SLC6A11: variants seen among roughly 807,000 people sequenced by gnomAD.
The protein encoded by SLC6A11 is sodium- and chloride-dependent GABA transporter 3.
A neutral mutation model predicts 74.8 loss-of-function variants in SLC6A11; 25 were observed. The observed-to-expected ratio is 0.33, with a 90% CI of 0.24 to 0.47. The LOEUF (loss-of-function observed/expected upper bound fraction) is 0.47, where lower values mean the gene tolerates loss of function less well. Ranked by LOEUF, SLC6A11 falls within the 20% of genes least tolerant of loss-of-function variation. The pLI, the probability that SLC6A11 is intolerant of heterozygous loss-of-function variation, is 1.00. For synonymous variants in SLC6A11, 330 were observed against 330.2 expected (o/e 1.00, Z 0.01); for missense variants, 574 against 837.0 (o/e 0.69, Z 3.88).
At chr3:10,892,360 T>G (rs1168277070) in intron 6 of SLC6A11, among the ~76,000 whole-genome samples, 1 of 152,238 alleles carries the variant, frequency 6.6e-6, no homozygotes, top group East Asian at 1.9e-4. Context: ...TAGAGGCAAG[T>G]GGGTGCTGCT....
chr3:10,846,063 T>C (rs1055312929), intron 5 of SLC6A11, among the ~76,000 whole-genome samples: 3 of 152,156 alleles, frequency 2.0e-5, no homozygotes, highest in African/African-American at 7.2e-5. Context: ...TACCACCACA[T>C]GGGGTGGTTG....
chr3:10,877,070 T>C (rs1170692581), intron 6 of SLC6A11, among the ~76,000 whole-genome samples: 1 of 152,214 alleles, frequency 6.6e-6, no homozygotes, highest in East Asian at 1.9e-4. Context: ...GAGCATAGGC[T>C]GGCAAACTAT....
At chr3:10,850,002 GT>G (rs1694553579) in intron 5 of SLC6A11, among the ~76,000 whole-genome samples, 1 of 152,028 alleles carries the variant, frequency 6.6e-6, no homozygotes, top group South Asian at 2.1e-4. Flanking sequence ...ATCCCTGGAT[GT>G]TTTTGTGCTT....
At chr3:10,876,093 C>T (rs537343224) in intron 6 of SLC6A11, among the ~76,000 whole-genome samples, 7 of 152,212 alleles carry the variant, frequency 4.6e-5, no homozygotes, top group Non-Finnish European at 1.0e-4. Context: ...TTCAAGTCTG[C>T]GATCTGTGGC....
intron 5 of SLC6A11, among the ~76,000 whole-genome samples, chr3:10,874,015 A>ACGCTACGC (rs1694878597): frequency 2.0e-5 from 3 of 152,076 alleles, no homozygotes; most frequent in Admixed American, 6.6e-5. Context: ...ATGCTATGCT[A>ACGCTACGC]TACCATCCTA....
intron 6 of SLC6A11, among the ~76,000 whole-genome samples, chr3:10,909,413 G>A (rs779562681): frequency 6.6e-6 from 1 of 152,184 alleles, no homozygotes; most frequent in Non-Finnish European, 1.5e-5. Flanking sequence ...TGGTTTGGGG[G>A]ACGTATCTGG....
chr3:10,924,744 G>A (rs970128321), intron 8 of SLC6A11, among the ~76,000 whole-genome samples: 5 of 152,184 alleles, frequency 3.3e-5, no homozygotes, highest in East Asian at 3.9e-4. Flanking sequence ...GAAGATACTC[G>A]ATGTCATTAA....
chr3:10,841,999 T>G (rs924637001), intron 4 of SLC6A11, among the ~76,000 whole-genome samples: 2 of 152,176 alleles, frequency 1.3e-5, no homozygotes, highest in Admixed American at 1.3e-4. Context: ...TTGTCCCTTA[T>G]AGTTCACCAG....
rs1302500776 is a variant in SLC6A11, at chr3:10,861,373, T to C, written c.757-13588T>C. On this transcript the variant is annotated intron_variant, in intron 5 of 13. Coordinates refer to ENST00000254488, the MANE Select transcript of SLC6A11 (RefSeq NM_014229.3). The stretch of plus-strand genomic sequence containing the variant: ...TCTACAAATAATTTAAAAAATTAGC[T>C]GGGCATGGTGGTGGACACCTGTAGT... Among the ~76,000 whole-genome samples, 5 of 151,928 alleles carry C rather than the reference T, an allele frequency of 3.3e-5. No homozygotes were observed. In the East Asian group the frequency reaches 5.8e-4, roughly 18 times the overall value.
chr3:10,937,616 C>T (rs1695773992), intron 13 of SLC6A11, among the ~76,000 whole-genome samples: 1 of 152,248 alleles, frequency 6.6e-6, no homozygotes, highest in South Asian at 2.1e-4. Context: ...GGCAGGGCCA[C>T]ATCTGGCCTG....
chr3:10,903,967 T>A (rs1193465405), intron 6 of SLC6A11, among the ~76,000 whole-genome samples: 1 of 152,232 alleles, frequency 6.6e-6, no homozygotes, highest in Non-Finnish European at 1.5e-5. Context: ...ACTTGCATGA[T>A]CAAGGTAGGA....
At chr3:10,837,454 C>G (rs1475599475) in intron 4 of SLC6A11, among the ~76,000 whole-genome samples, 1 of 152,200 alleles carries the variant, frequency 6.6e-6, no homozygotes, top group Non-Finnish European at 1.5e-5. Flanking sequence ...TGGTTCTGAG[C>G]TCTGCCTCTG....
In SLC6A11 at chr3:10,918,608, G is replaced by A. The variant is rs1160433780; in HGVS notation, c.1120+155G>A. Among the ~76,000 whole-genome samples, 2 of 152,162 alleles carry A rather than the reference G, an allele frequency of 1.3e-5. No homozygotes were observed. The highest frequency in any genetic ancestry group is 1.9e-4 in the East Asian group (1 of 5,158). On this transcript the variant is annotated intron_variant, in intron 8 of 13. Coordinates refer to ENST00000254488, the MANE Select transcript of SLC6A11 (RefSeq NM_014229.3). The surrounding 1 kb of genome is among the most constrained non-coding windows in gnomAD (Gnocchi z 4.5). ...ATTCATCCACAATCCAGGATCCTGG[G>A]AATTACCTAGGAGGAAAGTCTCGAC...
At chr3:10,936,559 T>TA (rs76579892) in intron 13 of SLC6A11, among the ~76,000 whole-genome samples, 61,038 of 151,916 alleles carry the variant, frequency 0.4, 12,837 homozygotes, top group African/African-American at 0.49. Flanking sequence ...GCTCCAGAAA[T>TA]AGTCATGCAT....
At chr3:10,896,417 T>C (rs1444285687) in intron 6 of SLC6A11, among the ~76,000 whole-genome samples, 1 of 152,220 alleles carries the variant, frequency 6.6e-6, no homozygotes, top group Non-Finnish European at 1.5e-5. Context: ...TCAGAACAAC[T>C]CTGGCAGCTT....
chr3:10,912,701 G>A lies in SLC6A11; in HGVS notation c.995+508G>A, dbSNP rs146214294. On this transcript the variant is annotated intron_variant, in intron 7 of 13. Transcript: ENST00000254488. Reference sequence around the variant, plus strand: ...AGGGCTGGGAGGGGGTTCAGGTGAGGAGGCGAGCCCCAGTGTCTGACCCTT... The same window carrying A: ...AGGGCTGGGAGGGGGTTCAGGTGAGAAGGCGAGCCCCAGTGTCTGACCCTT... 1.6e-4 allele frequency among the ~76,000 whole-genome samples: 24 copies of A among 152,368 alleles called. No individual in the cohort carries two copies. The East Asian group carries it at 4.4e-3, about 28-fold the overall frequency.
intron 6 of SLC6A11, among the ~76,000 whole-genome samples, chr3:10,900,227 C>A (rs529567322): frequency 2.0e-4 from 30 of 152,298 alleles, no homozygotes; most frequent in African/African-American, 7.0e-4. Flanking sequence ...TGTCCTGTCC[C>A]TCTCAGTCCA....
chr3:10,851,532 A>G (rs1694575833), intron 5 of SLC6A11, among the ~76,000 whole-genome samples: 1 of 152,162 alleles, frequency 6.6e-6, no homozygotes, highest in Admixed American at 6.5e-5. Context: ...GAGGTGGCAC[A>G]GGACTCTTAA....
rs539563712 is a variant in SLC6A11 at position 10,819,954 on chromosome 3, T to G, written c.532+102T>G. 2.4e-4 allele frequency: 307 copies of G among 1,257,636 alleles called. 1 individual carries two copies. The African/African-American group carries it at 4.3e-3, about 18-fold the overall frequency. The allele number at this position is 1,257,636 out of a possible 1,614,324, so 77.9% of individuals were successfully genotyped here. A position where few individuals can be genotyped will look rare whatever the true frequency, so the allele number is the denominator to read the frequency against. On this transcript the variant is annotated intron_variant, in intron 3 of 13. Transcript: ENST00000254488. ...AGTCCTGGTCCCTGGCCTCTCGTCA[T>G]GAGTCCAGTTTTCTAGGGTAGTCTT...
Sources: allele counts gnomAD v4.1 joint callset (sites outside exome capture counted in the v4.1 genomes callset), GRCh38; gene constraint gnomAD v4.1.1; non-coding constraint Gnocchi (gnomAD v3.1); transcripts MANE v1.5; gene names NCBI Gene and HGNC (gene_info 2026-07-23, HGNC 2026-07-21).